Variants in CNTN4 observed in about 807,000 individuals in gnomAD.
CNTN4 encodes contactin 4, also known as contactin-4.
Under a neutral mutation model 122.5 loss-of-function variants are expected in CNTN4, and 77 were observed. The ratio of observed to expected loss-of-function variants is 0.63; its 90% CI spans 0.52 to 0.76. CNTN4 has a LOEUF of 0.76. CNTN4 is among the 30% of genes least tolerant of loss of function. CNTN4 has a pLI of 0.00. For missense variants in CNTN4, 1,256 were observed against 1,259.1 expected, an observed-to-expected ratio of 1.00 and a Z score of 0.04; for synonymous variants, 512 against 447.0, an observed-to-expected ratio of 1.15 and a Z score of -1.83.
At chr3:2,259,629 G>A (rs535269036) in intron 2 of CNTN4, among the ~76,000 whole-genome samples, 1 of 152,270 alleles carries the variant, frequency 6.6e-6, no homozygotes, top group Admixed American at 6.5e-5. Context: ...CAAGCAAAAA[G>A]GGAATCCCTT....
At chr3:2,576,490 T>A (rs983031177) in intron 4 of CNTN4, among the ~76,000 whole-genome samples, 1 of 152,168 alleles carries the variant, frequency 6.6e-6, no homozygotes, top group Non-Finnish European at 1.5e-5. Flanking sequence ...GAAGTCTATA[T>A]CTTGGTGCAA....
chr3:2,838,027 G>A (rs2093266642), intron 7 of CNTN4, among the ~76,000 whole-genome samples: 1 of 152,174 alleles, frequency 6.6e-6, no homozygotes, highest in Non-Finnish European at 1.5e-5. Flanking sequence ...TGAATTAAAT[G>A]CAGAGGTTCA....
intron 4 of CNTN4, among the ~76,000 whole-genome samples, chr3:2,675,024 A>G (rs1200018648): frequency 2.0e-5 from 3 of 152,238 alleles, no homozygotes; most frequent in Non-Finnish European, 4.4e-5. Context: ...TCAAAAGCAC[A>G]GGCAACAAAA....
Position 2,523,769 on chromosome 3 carries a change from C to T in CNTN4, c.-88-47647C>T, listed in dbSNP as rs74440297. Among the ~76,000 whole-genome samples, 670 of 152,094 alleles carry T rather than the reference C, an allele frequency of 4.4e-3. 2 individuals are homozygous for T. Among genetic ancestry groups the T allele is most frequent in the Middle Eastern group, 0.01 (3 of 294 alleles). The stretch of plus-strand genomic sequence containing the variant: ...TAGCTTTATTTACCCAGAATCCTCA[C>T]GTAAGAGGTAGTCATCTGGGTGCTT... On this transcript the variant is annotated intron_variant, in intron 3 of 24. Transcript: ENST00000418658.
At position 3,042,362 on chromosome 3, in the gene CNTN4, T is replaced by C. The variant is rs768837552; in HGVS notation, c.2451T>C (p.Asp817=). ...SIFARSLSAT[D]IEVFWASPLE... The stretch of plus-strand genomic sequence containing the variant: ...TTGCCAGAAGTCTTTCTGCCACAGA[T>C]ATTGAAGTTTTCTGGGCCTCCCCAC... Residue 817 remains aspartate, a synonymous_variant, in exon 21 of 25, where the codon GAT becomes GAC. Coordinates refer to ENST00000418658, the MANE Select transcript of CNTN4 (RefSeq NM_175607.3). 2.5e-6 allele frequency: 4 copies of C among 1,614,090 alleles called. No homozygotes were observed. The East Asian group carries it at 8.9e-5, about 36-fold the overall frequency.
intron 2 of CNTN4, among the ~76,000 whole-genome samples, chr3:2,300,351 C>T (rs2042458995): frequency 2.0e-5 from 3 of 151,956 alleles, no homozygotes; most frequent in Non-Finnish European, 2.9e-5. Flanking sequence ...GTATGTGTAA[C>T]GTTCTCAAAA....
chr3:2,367,839 A>T (rs2045458720), intron 3 of CNTN4, among the ~76,000 whole-genome samples: 1 of 151,960 alleles, frequency 6.6e-6, no homozygotes, highest in Non-Finnish European at 1.5e-5. Flanking sequence ...TGTAACCCCT[A>T]ACAACGTTCG....
intron 2 of CNTN4, among the ~76,000 whole-genome samples, chr3:2,274,344 C>T (rs545856420): frequency 2.6e-4 from 40 of 152,072 alleles, no homozygotes; most frequent in African/African-American, 9.2e-4. Context: ...GATTGCACCA[C>T]TGCACTCCAG....
At chr3:2,769,666 A>C (rs977020560) in intron 6 of CNTN4, among the ~76,000 whole-genome samples, 3 of 152,170 alleles carry the variant, frequency 2.0e-5, no homozygotes, top group Non-Finnish European at 2.9e-5. Flanking sequence ...TTTCACACAC[A>C]TCTCATATTT....
chr3:2,125,398 G>A (rs1341650170), intron 2 of CNTN4, among the ~76,000 whole-genome samples: 1 of 144,684 alleles, frequency 6.9e-6, no homozygotes, highest in African/African-American at 2.5e-5. Flanking sequence ...TTCATTTATT[G>A]ATAGATATTT....
chr3:2,785,446 G>T (rs889759931), intron 6 of CNTN4, among the ~76,000 whole-genome samples: 1 of 151,944 alleles, frequency 6.6e-6, no homozygotes, highest in African/African-American at 2.4e-5. Flanking sequence ...CCACATAGTT[G>T]GGGGGCAGTC....
chr3:2,281,830 G>A (rs989381629), intron 2 of CNTN4, among the ~76,000 whole-genome samples: 1 of 152,100 alleles, frequency 6.6e-6, no homozygotes, highest in Non-Finnish European at 1.5e-5. Context: ...TGGAGATAAA[G>A]AGCAGTTAAT....
intron 2 of CNTN4, among the ~76,000 whole-genome samples, chr3:2,316,159 T>C (rs886186468): frequency 1.3e-5 from 2 of 152,108 alleles, no homozygotes; most frequent in African/African-American, 2.4e-5. Context: ...ATGATTATGG[T>C]GAAATGAACA....
At chr3:2,981,993 G>A (rs144165757) in intron 13 of CNTN4, among the ~76,000 whole-genome samples, 4,096 of 152,148 alleles carry the variant, frequency 0.027, 76 homozygotes, top group Non-Finnish European at 0.042. Context: ...AGCCGAGATC[G>A]TACCACTGCA....
intron 2 of CNTN4, among the ~76,000 whole-genome samples, chr3:2,236,313 C>T (rs1242591948): frequency 6.6e-6 from 1 of 152,158 alleles, no homozygotes; most frequent in African/African-American, 2.4e-5. Flanking sequence ...CTGAACCTCT[C>T]TTACTTTACT....
At chr3:2,193,870 T>C (rs1236725351) in intron 2 of CNTN4, among the ~76,000 whole-genome samples, 1 of 152,226 alleles carries the variant, frequency 6.6e-6, no homozygotes, top group African/African-American at 2.4e-5. Context: ...GTTTGCAGCC[T>C]AGGAGCAATA....
At chr3:2,398,657 T>G (rs946672560) in intron 3 of CNTN4, among the ~76,000 whole-genome samples, 24 of 152,146 alleles carry the variant, frequency 1.6e-4, no homozygotes, top group African/African-American at 5.8e-4. Context: ...TATGAAATTT[T>G]GTTCAGTATT....
chr3:2,392,626 A>G (rs1481054181), intron 3 of CNTN4, among the ~76,000 whole-genome samples: 1 of 152,210 alleles, frequency 6.6e-6, no homozygotes, highest in African/African-American at 2.4e-5. Flanking sequence ...CTCCTCAGAT[A>G]TTTATTTGCA....
intron 2 of CNTN4, among the ~76,000 whole-genome samples, chr3:2,113,800 ATGT>A (rs1033101097): frequency 4.6e-5 from 7 of 152,226 alleles, no homozygotes; most frequent in African/African-American, 1.7e-4. Context: ...TTGTGAAAAC[ATGT>A]TGTCATCACT....
Sources: allele counts gnomAD v4.1 joint callset (sites outside exome capture counted in the v4.1 genomes callset), GRCh38; gene constraint gnomAD v4.1.1; transcripts MANE v1.5; gene names NCBI Gene and HGNC (gene_info 2026-07-23, HGNC 2026-07-21).